Variants in CGGBP1 observed in about 807,000 individuals in gnomAD.
The protein encoded by CGGBP1 is CGG triplet repeat binding protein 1.
Under a neutral mutation model 11.4 loss-of-function variants are expected in CGGBP1, and 4 were observed. That is an observed-to-expected ratio of 0.35 (90% confidence interval 0.17 to 0.80). The LOEUF is 0.80. Among genes scored for constraint, CGGBP1 ranks in the 30% least tolerant of loss-of-function variants. CGGBP1 has a pLI of 0.52. For synonymous variants in CGGBP1, 76 were observed against 74.1 expected, an observed-to-expected ratio of 1.03 and a Z score of -0.13; for missense variants, 135 against 202.1, an observed-to-expected ratio of 0.67 and a Z score of 2.01.
chr3:88,116,553 CAT>C (rs1044189533), intron 2 of CGGBP1, among the ~76,000 whole-genome samples: 8 of 59,372 alleles, frequency 1.3e-4, no homozygotes, highest in East Asian at 4.7e-4. Flanking sequence ...TACATACATA[CAT>C]ATATATACAC....
chr3:88,068,657 A>G (rs893233323), intron 2 of CGGBP1, among the ~76,000 whole-genome samples: 13 of 152,172 alleles, frequency 8.5e-5, no homozygotes, highest in Non-Finnish European at 1.9e-4. Flanking sequence ...TGCTGTATAT[A>G]TGTATATAAC....
intron 2 of CGGBP1, among the ~76,000 whole-genome samples, chr3:88,108,291 T>C (rs1380911139): frequency 2.6e-5 from 4 of 152,012 alleles, no homozygotes. Context: ...AATATACTGG[T>C]GTAGCTATTT....
chr3:88,062,577 CAATTT>C (rs1706946216), upstream of CGGBP1, among the ~76,000 whole-genome samples: 1 of 152,134 alleles, frequency 6.6e-6, no homozygotes, highest in African/African-American at 2.4e-5. Context: ...TTTAATAATT[CAATTT>C]GTCACCAAAT....
intron 2 of CGGBP1, among the ~76,000 whole-genome samples, chr3:88,065,982 C>T (rs1339556899): frequency 6.6e-6 from 1 of 152,206 alleles, no homozygotes; most frequent in African/African-American, 2.4e-5. Context: ...GAGTCACCCA[C>T]TGTGGCCTCC....
chr3:88,087,564 G>A (rs1329888479), intron 2 of CGGBP1, among the ~76,000 whole-genome samples: 2 of 152,160 alleles, frequency 1.3e-5, no homozygotes, highest in East Asian at 3.9e-4. Context: ...CAGTTTTCTG[G>A]GGGACAGAAA....
intron 2 of CGGBP1, among the ~76,000 whole-genome samples, chr3:88,123,801 C>T (rs1705923679): frequency 6.6e-6 from 1 of 152,134 alleles, no homozygotes; most frequent in Non-Finnish European, 1.5e-5. Flanking sequence ...TAGTGTCCAA[C>T]TTACCTTATT....
rs1211641053 is a variant in CGGBP1, at chr3:88,138,951, A to G, written c.-229+2019T>C. ...TGAAGAATATAATGAAGGCACAAGTAGTGTTCAAAATCGTGTTCGTTTTGA... is the reference window on the plus strand; with the variant it reads ...TGAAGAATATAATGAAGGCACAAGTGGTGTTCAAAATCGTGTTCGTTTTGA... On this transcript the variant is annotated intron_variant, in intron 2 of 3. Transcript: ENST00000462901. The G allele has an allele frequency of 2.4e-6, 3 of 1,243,382 alleles. No individual in the cohort carries two copies. The African/African-American group carries it at 4.7e-5, about 19-fold the overall frequency. 77.0% of individuals were successfully genotyped at this position (1,243,382 alleles called of 1,614,324 possible). A position where few individuals can be genotyped will look rare whatever the true frequency, so the allele number is the denominator to read the frequency against.
chr3:88,122,160 T>C (rs1056470480), intron 2 of CGGBP1, among the ~76,000 whole-genome samples: 1 of 152,086 alleles, frequency 6.6e-6, no homozygotes, highest in African/African-American at 2.4e-5. Flanking sequence ...AAAGTGGGAT[T>C]GTGTAAAGAT....
chr3:88,059,649 A>C, upstream of CGGBP1: 66 of 918,848 alleles, frequency 7.2e-5, no homozygotes, highest in Non-Finnish European at 8.4e-5. Flanking sequence ...TCCCTCCTCC[A>C]CTTATCCGGC....
At chr3:88,107,202 T>C (rs1704796596) in intron 2 of CGGBP1, among the ~76,000 whole-genome samples, 1 of 152,236 alleles carries the variant, frequency 6.6e-6, no homozygotes. Context: ...TTTATCTTCC[T>C]CCAGTAAAAT....
chr3:88,087,359 G>A (rs1163035012), intron 2 of CGGBP1, among the ~76,000 whole-genome samples: 2 of 152,198 alleles, frequency 1.3e-5, no homozygotes, highest in Admixed American at 1.3e-4. Context: ...ACAGGCGTGA[G>A]CTACCACACC....
intron 2 of CGGBP1, chr3:88,139,750 C>A: frequency 6.4e-7 from 1 of 1,554,738 alleles, no homozygotes; most frequent in Non-Finnish European, 8.7e-7. Flanking sequence ...AAGCCTTTAA[C>A]TGAATGTGGG....
intron 2 of CGGBP1, among the ~76,000 whole-genome samples, chr3:88,082,738 TAAG>T (rs1203855430): frequency 6.6e-6 from 1 of 152,204 alleles, no homozygotes; most frequent in East Asian, 1.9e-4. Context: ...AGAGCTCAAT[TAAG>T]AAACAGATAC....
chr3:88,087,606 G>A (rs1351638999), intron 2 of CGGBP1, among the ~76,000 whole-genome samples: 3 of 152,144 alleles, frequency 2.0e-5, no homozygotes, highest in Non-Finnish European at 2.9e-5. Flanking sequence ...GCAACACAGC[G>A]GAGCAAGTCA....
chr3:88,115,081 C>T (rs1705311360), intron 2 of CGGBP1, among the ~76,000 whole-genome samples: 2 of 152,188 alleles, frequency 1.3e-5, no homozygotes, highest in African/African-American at 4.8e-5. Flanking sequence ...GTAGGACAAA[C>T]ACAGTCCTAC....
intron 2 of CGGBP1, among the ~76,000 whole-genome samples, chr3:88,093,128 A>G (rs1703849790): frequency 6.6e-6 from 1 of 152,204 alleles, no homozygotes; most frequent in Non-Finnish European, 1.5e-5. Flanking sequence ...CTTTGTAGAT[A>G]AGAAAACTGA....
chr3:88,145,838 T>TA (rs769907813), intron 1 of CGGBP1, among the ~76,000 whole-genome samples: 18 of 152,156 alleles, frequency 1.2e-4, no homozygotes, highest in Admixed American at 2.0e-4. Context: ...CAAGGGTAAA[T>TA]ATGAACACTG....
chr3:88,058,466 G>A (rs1390350366), intron 1 of CGGBP1, among the ~76,000 whole-genome samples: 3 of 152,172 alleles, frequency 2.0e-5, no homozygotes, highest in Non-Finnish European at 4.4e-5. Flanking sequence ...GGGGGCGGGG[G>A]AGAGGCGGGG....
intron 2 of CGGBP1, chr3:88,113,228 C>G (rs964561117): frequency 1.4e-6 from 2 of 1,385,874 alleles, no homozygotes; most frequent in African/African-American, 2.9e-5. Flanking sequence ...CACACTTTGT[C>G]TACACTTAAA....
Sources: gnomAD v4.1 joint callset for allele counts (sites outside exome capture counted in the v4.1 genomes callset) on GRCh38, gnomAD v4.1.1 for gene constraint, MANE v1.5 for transcripts, NCBI Gene and HGNC (gene_info 2026-07-23, HGNC 2026-07-21) for gene names.